Variants in RAF1 observed in about 807,000 individuals in gnomAD.
The protein encoded by RAF1 is RAF proto-oncogene serine/threonine-protein kinase.
Under a neutral mutation model 81.1 loss-of-function variants are expected in RAF1, and 27 were observed. The observed-to-expected ratio is 0.33, with a 90% CI of 0.25 to 0.46. The LOEUF (loss-of-function observed/expected upper bound fraction) is 0.46, where lower values mean the gene tolerates loss of function less well. Among genes scored for constraint, RAF1 ranks in the 20% least tolerant of loss-of-function variants. RAF1 has a pLI of 1.00. For missense variants in RAF1, 598 were observed against 826.0 expected, an observed-to-expected ratio of 0.72 and a Z score of 3.38; for synonymous variants, 298 against 294.0, an observed-to-expected ratio of 1.01 and a Z score of -0.14.
chr3:12,614,111 C>T (rs1169535376), intron 2 of RAF1, among the ~76,000 whole-genome samples: 1 of 151,960 alleles, frequency 6.6e-6, no homozygotes, highest in Non-Finnish European at 1.5e-5. Context: ...ACTGATTCTT[C>T]GAATAGATAA....
intron 1 of RAF1, among the ~76,000 whole-genome samples, chr3:12,648,154 A>C (rs1192199186): frequency 6.6e-6 from 1 of 152,152 alleles, no homozygotes; most frequent in East Asian, 1.9e-4. Context: ...TCATCTAGTC[A>C]GCAACTGCTG....
At chr3:12,584,739 G>A in intron 17 of RAF1, 82 bp from the exon 17 acceptor site, 1 of 1,612,646 alleles carries the variant, frequency 6.2e-7, no homozygotes, top group African/African-American at 1.3e-5. Context: ...TCTTGTAGAG[G>A]ACCTGGGTCC....
At chr3:12,656,871 C>T (rs953373648) in intron 1 of RAF1, among the ~76,000 whole-genome samples, 8 of 152,152 alleles carry the variant, frequency 5.3e-5, no homozygotes, top group African/African-American at 1.9e-4. Flanking sequence ...GTGGCAGATG[C>T]CTGTAATCCC....
rs148055620 is a variant in RAF1 at position 12,634,441 on chromosome 3, G to A, written c.-26-15694C>T. On this transcript the variant is annotated intron_variant, in intron 1 of 17. Coordinates refer to ENST00000442415, the MANE Select transcript of RAF1 (RefSeq NM_001354689.3). ...GCTGGGATTACGGGCTTGAGCCACC[G>A]CGCCTGGCCCGTAATTCCTTTCTCA... is the stretch of plus-strand genomic sequence containing the variant. Among the ~76,000 whole-genome samples, 947 of 151,988 alleles carry A rather than the reference G, an allele frequency of 6.2e-3. 13 individuals carry two copies. The highest frequency in any genetic ancestry group is 0.021 in the African/African-American group (878 of 41,442).
intron 1 of RAF1, among the ~76,000 whole-genome samples, chr3:12,634,996 CAGTT>C (rs1032610881): frequency 6.6e-6 from 1 of 152,068 alleles, no homozygotes; most frequent in Non-Finnish European, 1.5e-5. Flanking sequence ...GAAAAAGTCT[CAGTT>C]AGGTGCTAGT....
At chr3:12,643,941 T>C (rs1404544660) in intron 1 of RAF1, among the ~76,000 whole-genome samples, 1 of 152,172 alleles carries the variant, frequency 6.6e-6, no homozygotes, top group Non-Finnish European at 1.5e-5. Context: ...GGTCCACCTC[T>C]AGAAATAACT....
intron 3 of RAF1, among the ~76,000 whole-genome samples, chr3:12,610,676 T>A (rs1468620345): frequency 6.6e-5 from 10 of 152,350 alleles, no homozygotes. Flanking sequence ...ATTCATTCCC[T>A]GGGCTATTCT....
intron 1 of RAF1, among the ~76,000 whole-genome samples, chr3:12,626,922 G>A (rs1575615472): frequency 6.6e-6 from 1 of 151,354 alleles, no homozygotes; most frequent in South Asian, 2.1e-4. Flanking sequence ...TACTCAGGAG[G>A]CTGAGGCAGG....
chr3:12,661,278 G>A (rs1308159693), intron 1 of RAF1, among the ~76,000 whole-genome samples: 1 of 152,104 alleles, frequency 6.6e-6, no homozygotes, highest in Non-Finnish European at 1.5e-5. Flanking sequence ...GTTGTTATCC[G>A]AGAAGTCAAT....
intron 1 of RAF1, among the ~76,000 whole-genome samples, chr3:12,632,021 G>A (rs922093354): frequency 3.9e-5 from 6 of 152,056 alleles, no homozygotes; most frequent in African/African-American, 1.4e-4. Flanking sequence ...AATTTTAAAT[G>A]TTTGATAATA....
chr3:12,624,271 G>C (rs1258575466), intron 1 of RAF1, among the ~76,000 whole-genome samples: 1 of 152,114 alleles, frequency 6.6e-6, no homozygotes, highest in Non-Finnish European at 1.5e-5. Flanking sequence ...AGGGAAGAGA[G>C]GTACAACTCT....
At chr3:12,608,438 C>T (rs963959) in intron 5 of RAF1, 128,002 of 335,458 alleles carry the variant, frequency 0.38, 26,649 homozygotes, top group African/African-American at 0.49. Flanking sequence ...CTAGCAACCC[C>T]AGTAGATAAT....
At chr3:12,661,626 C>T (rs190910363) in intron 1 of RAF1, among the ~76,000 whole-genome samples, 1 of 152,092 alleles carries the variant, frequency 6.6e-6, no homozygotes, top group East Asian at 1.9e-4. Context: ...CTGCTTGAAC[C>T]AAGGAGGCAG....
At chr3:12,609,745 T>G (rs748491118) in intron 3 of RAF1, among the ~76,000 whole-genome samples, 2 of 152,168 alleles carry the variant, frequency 1.3e-5, no homozygotes, top group Non-Finnish European at 2.9e-5. Flanking sequence ...CCTCCCAAAG[T>G]GCTGGGATTA....
intron 1 of RAF1, among the ~76,000 whole-genome samples, chr3:12,618,962 A>G (rs2059462766): frequency 6.6e-6 from 1 of 152,200 alleles, no homozygotes; most frequent in African/African-American, 2.4e-5. Flanking sequence ...TTAGCAAGCA[A>G]CTGCGGGGCA....
chr3:12,630,906 C>G (rs916870649), intron 1 of RAF1, among the ~76,000 whole-genome samples: 1 of 152,160 alleles, frequency 6.6e-6, no homozygotes, highest in African/African-American at 2.4e-5. Flanking sequence ...TGGGTTCAAG[C>G]GATTCTCCCA....
Position 12,583,636 on chromosome 3 carries a change from A to G in RAF1, c.*878T>C, listed in dbSNP as rs1050507592. On this transcript the variant is annotated 3_prime_UTR_variant, in exon 18 of 18. Coordinates refer to ENST00000442415, the MANE Select transcript of RAF1 (RefSeq NM_001354689.3). ...ATTTAATTTATTTTATTAAAATAACATAATTGAGGGACCATCAGATAACTG... is the reference window on the plus strand; with the variant it reads ...ATTTAATTTATTTTATTAAAATAACGTAATTGAGGGACCATCAGATAACTG... 4.3e-6 allele frequency: 1 copy of G among 232,776 alleles called. No individual in the cohort carries two copies. Among genetic ancestry groups the G allele is most frequent in the Non-Finnish European group, 8.5e-6 (1 of 117,820 alleles). The allele number at this position is 232,776 out of a possible 1,614,324, so 14.4% of individuals were successfully genotyped here.
rs754942031 is a variant in RAF1 at position 12,584,972 on chromosome 3, T to G, written c.1738A>C (p.Met580Leu). ...GGGGAGGCATATCCTCGGCCCACCA[T>G]GAAGATGATCTAAGGGAAAGAAAAC... The change falls in exon 17 of 18, where the codon ATG (methionine) becomes CTG (leucine). Residue 580 changes from methionine to leucine, a missense_variant. Coordinates refer to ENST00000442415, the MANE Select transcript of RAF1 (RefSeq NM_001354689.3). The G allele has an allele frequency of 6.8e-6, 11 of 1,614,106 alleles. No homozygotes were observed. Among genetic ancestry groups the G allele is most frequent in the Non-Finnish European group, 9.3e-6 (11 of 1,180,006 alleles).
Position 12,606,240 on chromosome 3 carries a change from A to G in RAF1, c.641T>C (p.Met214Thr), listed in dbSNP as rs995473632. The change falls in exon 6 of 18, where the codon ATG (methionine) becomes ACG (threonine). Residue 214 changes from methionine (M) to threonine (T), a missense_variant. Around this residue, in one of 5 missense-constraint regions of RAF1, gnomAD observed 194 missense variants for 202.7 expected, o/e 0.96. Transcript: ENST00000442415. ...GGAAACAGACTCTCGCATACGACGC[A>G]TAGTCAAAGAAGGTAGTGCTGGGAC... The G allele has an allele frequency of 1.9e-6, 3 of 1,614,140 alleles. No individual in the cohort carries two copies. Among genetic ancestry groups the G allele is most frequent in the African/African-American group, 2.7e-5 (2 of 75,074 alleles).
Sources: allele counts gnomAD v4.1 joint callset (sites outside exome capture counted in the v4.1 genomes callset), GRCh38; gene constraint gnomAD v4.1.1; regional missense constraint gnomAD v4.1.1; transcripts MANE v1.5; gene names NCBI Gene and HGNC (gene_info 2026-07-23, HGNC 2026-07-21).